Variants in CEMIP observed in about 807,000 individuals in gnomAD.
The protein encoded by CEMIP is cell migration-inducing and hyaluronan-binding protein.
A neutral mutation model predicts 156.9 loss-of-function variants in CEMIP; 105 were observed. The ratio of observed to expected loss-of-function variants is 0.67; its 90% CI spans 0.57 to 0.79. The LOEUF (loss-of-function observed/expected upper bound fraction) is 0.79. CEMIP is among the 30% of genes least tolerant of loss of function. CEMIP has a pLI of 0.00. For synonymous variants in CEMIP, 676 were observed against 668.4 expected, an observed-to-expected ratio of 1.01 and a Z score of -0.17; for missense variants, 1,457 against 1,769.4, an observed-to-expected ratio of 0.82 and a Z score of 3.17.
intron 12 of CEMIP, among the ~76,000 whole-genome samples, chr15:80,901,724 T>G (rs571794495): frequency 2.1e-4 from 32 of 151,696 alleles, no homozygotes; most frequent in Non-Finnish European, 4.4e-4. Flanking sequence ...AAAAATTGAT[T>G]CCTCAGTCAC....
intron 28 of CEMIP, among the ~76,000 whole-genome samples, chr15:80,943,756 C>T (rs1236999049): frequency 6.6e-6 from 1 of 152,216 alleles, no homozygotes; most frequent in African/African-American, 2.4e-5. Flanking sequence ...TGCCACTCTG[C>T]CCCGGCCTTT....
chr15:80,802,645 G>T (rs190219545), intron 1 of CEMIP, among the ~76,000 whole-genome samples: 2 of 152,356 alleles, frequency 1.3e-5, no homozygotes, highest in Non-Finnish European at 2.9e-5. Context: ...TTCTCTGTAT[G>T]TTTGAATGAC....
At chr15:80,888,133 C>T (rs1286626738) in intron 8 of CEMIP, among the ~76,000 whole-genome samples, 1 of 151,776 alleles carries the variant, frequency 6.6e-6, no homozygotes, top group Admixed American at 6.6e-5. Context: ...GAGGCCGAGG[C>T]GGGTGGATCA....
chr15:80,867,220 A>C (rs1157174011), intron 1 of CEMIP, among the ~76,000 whole-genome samples: 1 of 152,162 alleles, frequency 6.6e-6, no homozygotes, highest in African/African-American at 2.4e-5. Context: ...CCCTATCAGA[A>C]TCTGCATTTG....
intron 12 of CEMIP, among the ~76,000 whole-genome samples, chr15:80,898,949 T>A (rs1291360038): frequency 6.6e-6 from 1 of 152,102 alleles, no homozygotes; most frequent in African/African-American, 2.4e-5. Context: ...GCGCGGTGGC[T>A]CACGTCTGTA....
chr15:80,788,488 AAAAAAGAAAAAAGAAAAAG>A (rs1323519879), intron 1 of CEMIP, among the ~76,000 whole-genome samples: 1 of 150,988 alleles, frequency 6.6e-6, no homozygotes, highest in Non-Finnish European at 1.5e-5. Flanking sequence ...AAAAAAAAAG[AAAAAAGAAAAAAGAAAAAG>A]AAAAAGAAAA....
Position 80,906,820 on chromosome 15 carries a change from C to A in CEMIP, c.1569C>A (p.Thr523=). ...NHICNFFDFD[T]FGGHIKFALG... ...TCTGCAATTTCTTTGACTTCGATAC[C>A]TTTGGGGGCCACATCAAGGTATGTG... The change falls in exon 13 of 30, where the codon ACC becomes ACA. Residue 523 remains threonine, a synonymous_variant. Transcript: ENST00000394685. The surrounding 1 kb of genome is among the most constrained non-coding windows in gnomAD (Gnocchi z 4.3). 2 of 1,613,688 alleles carry A rather than the reference C, an allele frequency of 1.2e-6. No individual in the cohort carries two copies. The highest frequency in any genetic ancestry group is 1.1e-5 in the South Asian group (1 of 91,022).
chr15:80,878,986 T>A, intron 4 of CEMIP, 119 bp downstream of exon 4: 1 of 1,320,224 alleles, frequency 7.6e-7, no homozygotes, highest in Non-Finnish European at 1.1e-6. Flanking sequence ...TTTGGGTTCA[T>A]GTTGGCATTT....
intron 1 of CEMIP, among the ~76,000 whole-genome samples, chr15:80,791,505 A>T (rs1896080755): frequency 6.6e-6 from 1 of 152,188 alleles, no homozygotes; most frequent in South Asian, 2.1e-4. Flanking sequence ...TAAATCAGGG[A>T]CATTTCAGGG....
chr15:80,928,788 C>T (rs1900790381), intron 19 of CEMIP, 114 bp from the exon 20 acceptor site: 2 of 1,308,756 alleles, frequency 1.5e-6, no homozygotes, highest in Non-Finnish European at 2.2e-6. Flanking sequence ...GAGACTCCTT[C>T]CTCTGCACGG....
chr15:80,842,513 C>A (rs1314043380), intron 1 of CEMIP, among the ~76,000 whole-genome samples: 3 of 152,086 alleles, frequency 2.0e-5, no homozygotes. Context: ...GGGTGGATCA[C>A]CAGAAATCAG....
At chr15:80,790,013 T>C (rs1422881415) in intron 1 of CEMIP, among the ~76,000 whole-genome samples, 1 of 152,166 alleles carries the variant, frequency 6.6e-6, no homozygotes, top group East Asian at 1.9e-4. Flanking sequence ...AATAGAGCCC[T>C]GCTCATGAAG....
At chr15:80,839,717 T>G (rs1442164992) in intron 1 of CEMIP, among the ~76,000 whole-genome samples, 2 of 152,204 alleles carry the variant, frequency 1.3e-5, no homozygotes, top group Non-Finnish European at 2.9e-5. Context: ...TCCCTTGGAC[T>G]GTGGGCTGTG....
In CEMIP at chr15:80,895,040, A is replaced by G. The variant is rs749178328; in HGVS notation, c.1137A>G (p.Lys379=). ...TCAGCACCGAGGTTGTCTACAAAAA[A>G]GGCCAGGATTATAGGTTTGCTTGCT... is the stretch of plus-strand genomic sequence containing the variant. ...VNLSTEVVYK[K]GQDYRFACYD... Residue 379 remains lysine (K), a synonymous_variant, in exon 11 of 30, where the codon AAA becomes AAG. Transcript: ENST00000394685. 1 of 1,614,226 alleles carries G rather than the reference A, an allele frequency of 6.2e-7. No homozygotes were observed. Among genetic ancestry groups the G allele is most frequent in the South Asian group, 1.1e-5 (1 of 91,086 alleles).
intron 1 of CEMIP, among the ~76,000 whole-genome samples, chr15:80,787,453 T>G (rs1895969321): frequency 1.3e-5 from 2 of 152,220 alleles, no homozygotes; most frequent in African/African-American, 4.8e-5. Context: ...ACACTTGCCC[T>G]GGACAGTGTC....
At chr15:80,907,361 G>A (rs1358357344) in intron 13 of CEMIP, among the ~76,000 whole-genome samples, 1 of 152,194 alleles carries the variant, frequency 6.6e-6, no homozygotes, top group Non-Finnish European at 1.5e-5. Flanking sequence ...TCAGGAATTC[G>A]AGACCAGCCT....
At chr15:80,897,351 A>G (rs766012484) in intron 12 of CEMIP, 1 of 456,014 alleles carries the variant, frequency 2.2e-6, no homozygotes, top group Non-Finnish European at 4.4e-6. Flanking sequence ...TGTGGAGGCA[A>G]AGTTTAAAAA....
intron 14 of CEMIP, among the ~76,000 whole-genome samples, chr15:80,912,441 C>G (rs537963549): frequency 1.6e-4 from 24 of 152,304 alleles, no homozygotes; most frequent in African/African-American, 5.8e-4. Flanking sequence ...GCTGAGGTAC[C>G]AGTTACAGCC....
chr15:80,921,484 A>G (rs1177349067), intron 16 of CEMIP, among the ~76,000 whole-genome samples: 1 of 152,304 alleles, frequency 6.6e-6, no homozygotes, highest in East Asian at 1.9e-4. Flanking sequence ...TATTATCCCC[A>G]TCTGATGGGG....
Sources: gnomAD v4.1 joint callset for allele counts (sites outside exome capture counted in the v4.1 genomes callset) on GRCh38, gnomAD v4.1.1 for gene constraint, Gnocchi (gnomAD v3.1) non-coding constraint, MANE v1.5 for transcripts, NCBI Gene and HGNC (gene_info 2026-07-23, HGNC 2026-07-21) for gene names.